KPNA6: variants seen among roughly 807,000 people sequenced by gnomAD.
The protein encoded by KPNA6 is importin subunit alpha-7.
A neutral mutation model predicts 72.0 loss-of-function variants in KPNA6; 9 were observed. The ratio of observed to expected loss-of-function variants is 0.13; its 90% CI spans 0.08 to 0.22. The LOEUF is 0.22. KPNA6 is among the 10% of genes least tolerant of loss of function. The pLI is 1.00. For synonymous variants in KPNA6, 219 were observed against 242.1 expected (o/e 0.90, Z 0.89); for missense variants, 374 against 655.7 (o/e 0.57, Z 4.69).
chr1:32,132,237 C>T (rs971983203), intron 1 of KPNA6, among the ~76,000 whole-genome samples: 7 of 152,000 alleles, frequency 4.6e-5, no homozygotes, highest in Non-Finnish European at 8.8e-5. Flanking sequence ...CCCCAAAGTG[C>T]GGGGATTACA....
chr1:32,125,929 CAT>C (rs748914912), intron 1 of KPNA6, among the ~76,000 whole-genome samples: 1 of 139,436 alleles, frequency 7.2e-6, no homozygotes, highest in Non-Finnish European at 1.5e-5. Flanking sequence ...TAAATAATCT[CAT>C]GTGAGGTTCA....
At chr1:32,113,309 C>T (rs1366459978) in intron 1 of KPNA6, among the ~76,000 whole-genome samples, 1 of 152,102 alleles carries the variant, frequency 6.6e-6, no homozygotes, top group African/African-American at 2.4e-5. Flanking sequence ...GGGAGAATCA[C>T]TTGAACCTGG....
Position 32,154,646 on chromosome 1 carries a change from T to G in KPNA6, c.63T>G (p.Ala21=). The G allele has an allele frequency of 6.2e-7, 1 of 1,613,930 alleles. No individual in the cohort carries two copies. Among genetic ancestry groups the G allele is most frequent in the Non-Finnish European group, 8.5e-7 (1 of 1,179,958 alleles). Residue 21 remains alanine, a synonymous_variant, in exon 2 of 14, where the codon GCT becomes GCG. Transcript: ENST00000373625. ...NYRMKSYKNN[A]LNPEEMRRRR... ...GAATGAAGAGCTATAAGAACAATGC[T>G]CTAAACCCTGAAGAAATGAGACGAA...
intron 1 of KPNA6, among the ~76,000 whole-genome samples, chr1:32,152,867 A>T (rs1642059847): frequency 6.7e-6 from 1 of 150,214 alleles, no homozygotes; most frequent in Admixed American, 6.6e-5. Context: ...ATAAAAATAA[A>T]AAAAATTAGC....
rs1379920481 is a variant in KPNA6 at position 32,175,135 on chromosome 1, A to C, written c.*4241A>C. The C allele has an allele frequency of 1.3e-5, 2 of 152,234 alleles. No individual in the cohort carries two copies. The highest frequency in any genetic ancestry group is 2.9e-5 in the Non-Finnish European group (2 of 68,058). 9.4% of individuals were successfully genotyped at this position (152,234 alleles called of 1,614,324 possible). A position where few individuals can be genotyped will look rare whatever the true frequency, so the allele number is the denominator to read the frequency against. ...GAAGAACTTGAGGTCAAGACCAACCAAATCTGTGAATTAAAGCTGTTATTT... is the reference window on the plus strand; with the variant it reads ...GAAGAACTTGAGGTCAAGACCAACCCAATCTGTGAATTAAAGCTGTTATTT... On this transcript the variant is annotated 3_prime_UTR_variant, in exon 14 of 14. Transcript: ENST00000373625.
intron 13 of KPNA6, 35 bp downstream of exon 13, chr1:32,170,095 G>A: frequency 6.3e-7 from 1 of 1,583,074 alleles, no homozygotes; most frequent in Non-Finnish European, 8.7e-7. Flanking sequence ...GTCAGAACCT[G>A]AGACTGTAGG....
At position 32,160,717 on chromosome 1, in the gene KPNA6, A is replaced by G. The variant is rs1294876265; in HGVS notation, c.647+14A>G. On this transcript the variant is annotated intron_variant, in intron 7 of 13. Transcript: ENST00000373625. ...TCCTTTGTTAACGTGAGTAATTATA[A>G]TCATCTGTACCTGGGCGTCTACTGG... 1 of 1,603,088 alleles carries G rather than the reference A, an allele frequency of 6.2e-7. No homozygotes were observed. Among genetic ancestry groups the G allele is most frequent in the East Asian group, 2.2e-5 (1 of 44,808 alleles).
rs528664961 is a variant in KPNA6 at position 32,135,281 on chromosome 1, G to A, written c.5-19307G>A. 1.4e-3 allele frequency among the ~76,000 whole-genome samples: 215 copies of A among 152,226 alleles called. 1 individual carries two copies. The highest frequency in any genetic ancestry group is 5.0e-3 in the African/African-American group (206 of 41,542). The stretch of plus-strand genomic sequence containing the variant: ...GGGGTTTCTCCGTGTTGGTCAGCCT[G>A]GTCTTGAACTCCCGACCTCAGGTGA... On this transcript the variant is annotated intron_variant, in intron 1 of 13. Transcript: ENST00000373625.
chr1:32,149,928 T>TA (rs1460906248), intron 1 of KPNA6, among the ~76,000 whole-genome samples: 9 of 152,032 alleles, frequency 5.9e-5, no homozygotes, highest in East Asian at 1.9e-4. Flanking sequence ...TTTTCTGACT[T>TA]ACGGTTTCTG....
At chr1:32,166,033 CAACAAA>C (rs1369520539) in intron 10 of KPNA6, 66 bp from the exon 11 acceptor site, 31 of 1,409,386 alleles carry the variant, frequency 2.2e-5, no homozygotes, top group Non-Finnish European at 2.9e-5. Flanking sequence ...ACAACAACAA[CAACAAA>C]AAAACATAAA....
chr1:32,118,829 G>A (rs1216416228), intron 1 of KPNA6, among the ~76,000 whole-genome samples: 1 of 151,132 alleles, frequency 6.6e-6, no homozygotes, highest in East Asian at 1.9e-4. Flanking sequence ...GAGATAATAG[G>A]ATTGTTACAG....
intron 1 of KPNA6, among the ~76,000 whole-genome samples, chr1:32,145,637 C>T (rs1219499599): frequency 6.6e-6 from 1 of 152,164 alleles, no homozygotes; most frequent in East Asian, 1.9e-4. Flanking sequence ...GCTAATATTT[C>T]ATTTTATATA....
chr1:32,129,855 G>C (rs974653029), intron 1 of KPNA6, among the ~76,000 whole-genome samples: 2 of 152,160 alleles, frequency 1.3e-5, no homozygotes, highest in African/African-American at 4.8e-5. Context: ...TTGAGAAGCA[G>C]CATTGACACT....
chr1:32,113,781 A>G (rs575423840), intron 1 of KPNA6, among the ~76,000 whole-genome samples: 3 of 152,330 alleles, frequency 2.0e-5, no homozygotes, highest in East Asian at 1.9e-4. Flanking sequence ...CACAAGGAGT[A>G]GATTCCATCT....
chr1:32,126,233 A>G (rs1244173878), intron 1 of KPNA6, among the ~76,000 whole-genome samples: 1 of 151,940 alleles, frequency 6.6e-6, no homozygotes, highest in East Asian at 1.9e-4. Flanking sequence ...ATTGTGGACC[A>G]TGAATTAAGA....
At chr1:32,108,622 C>T (rs1293805143) in intron 1 of KPNA6, among the ~76,000 whole-genome samples, 4 of 152,230 alleles carry the variant, frequency 2.6e-5, no homozygotes, top group Non-Finnish European at 5.9e-5. Flanking sequence ...TCAGGCGAGC[C>T]AGCACTAGGC....
chr1:32,108,988 A>G (rs1641196857), intron 1 of KPNA6, among the ~76,000 whole-genome samples: 1 of 152,216 alleles, frequency 6.6e-6, no homozygotes, highest in South Asian at 2.1e-4. Context: ...CTTTCTACGT[A>G]CGGGCATTGT....
At chr1:32,135,709 C>G (rs1237375789) in intron 1 of KPNA6, among the ~76,000 whole-genome samples, 1 of 149,416 alleles carries the variant, frequency 6.7e-6, no homozygotes, top group African/African-American at 2.5e-5. Context: ...CTCAAGTGAT[C>G]TGACTGCCTC....
intron 1 of KPNA6, among the ~76,000 whole-genome samples, chr1:32,146,050 A>G (rs981530493): frequency 2.0e-5 from 3 of 152,182 alleles, no homozygotes; most frequent in Non-Finnish European, 4.4e-5. Flanking sequence ...TGGAGAATCT[A>G]TACTTGAGAA....
Sources: gnomAD v4.1 joint callset for allele counts (sites outside exome capture counted in the v4.1 genomes callset) on GRCh38, gnomAD v4.1.1 for gene constraint, MANE v1.5 for transcripts, NCBI Gene and HGNC (gene_info 2026-07-23, HGNC 2026-07-21) for gene names.